Variants in GATAD2A observed in about 807,000 individuals in gnomAD.
GATAD2A encodes GATA zinc finger domain containing 2A, also known as transcriptional repressor p66-alpha.
Under a neutral mutation model 68.5 loss-of-function variants are expected in GATAD2A, and 12 were observed. The ratio of observed to expected loss-of-function variants is 0.18; its 90% CI spans 0.11 to 0.28. GATAD2A has a LOEUF of 0.28. Among genes scored for constraint, GATAD2A ranks in the 10% least tolerant of loss-of-function variants. GATAD2A has a pLI of 1.00. For missense variants in GATAD2A, 755 were observed against 868.5 expected, an observed-to-expected ratio of 0.87 and a Z score of 1.64; for synonymous variants, 410 against 375.3, an observed-to-expected ratio of 1.09 and a Z score of -1.07.
intron 1 of GATAD2A, among the ~76,000 whole-genome samples, chr19:19,454,935 C>T (rs550372318): frequency 6.6e-6 from 1 of 152,300 alleles, no homozygotes; most frequent in South Asian, 2.1e-4. Context: ...AACTATGGCC[C>T]ACAAGGTGGT....
intron 1 of GATAD2A, among the ~76,000 whole-genome samples, chr19:19,423,161 C>T (rs983702086): frequency 1.3e-5 from 2 of 152,172 alleles, no homozygotes; most frequent in Non-Finnish European, 1.5e-5. Context: ...TGCGCACCAC[C>T]ACTCCCAGCT....
rs564275980 is a variant in GATAD2A at position 19,433,409 on chromosome 19, C to T, written c.-7+27390C>T. Among the ~76,000 whole-genome samples, 4 of 152,170 alleles carry T rather than the reference C, an allele frequency of 2.6e-5. No homozygotes were observed. The South Asian group carries it at 6.2e-4, about 24-fold the overall frequency. On this transcript the variant is annotated intron_variant, in intron 1 of 11. Coordinates refer to ENST00000683918, the MANE Select transcript of GATAD2A (RefSeq NM_001384528.1). ...TGTGCCTGTTTTTCCATGTTGTTTTCGTTATTCTAGGTCCGTTGCACTTCC... is the reference window on the plus strand; with the variant it reads ...TGTGCCTGTTTTTCCATGTTGTTTTTGTTATTCTAGGTCCGTTGCACTTCC...
At chr19:19,487,690 T>A (rs989118699) in intron 2 of GATAD2A, among the ~76,000 whole-genome samples, 2 of 152,128 alleles carry the variant, frequency 1.3e-5, no homozygotes, top group Non-Finnish European at 1.5e-5. Flanking sequence ...TGAAGAGGGA[T>A]GTTCTGCAGG....
At chr19:19,502,653 G>T (rs868211883) in intron 11 of GATAD2A, 127 bp downstream of exon 11, 3 of 711,508 alleles carry the variant, frequency 4.2e-6, no homozygotes, top group Non-Finnish European at 7.0e-6. Context: ...CAGCCTCCTC[G>T]GACTCTGGCT....
chr19:19,463,898 TC>T (rs2057667506), intron 1 of GATAD2A, among the ~76,000 whole-genome samples: 1 of 152,330 alleles, frequency 6.6e-6, no homozygotes, highest in South Asian at 2.1e-4. Context: ...TCTCTTTCTT[TC>T]CTTTCAGTTT....
intron 1 of GATAD2A, among the ~76,000 whole-genome samples, chr19:19,419,331 T>C (rs564457094): frequency 2.0e-5 from 3 of 152,254 alleles, no homozygotes; most frequent in Admixed American, 6.5e-5. Flanking sequence ...CTGCATCTCG[T>C]ACACTGGCAG....
intron 1 of GATAD2A, among the ~76,000 whole-genome samples, chr19:19,460,830 A>T (rs1256645462): frequency 2.0e-5 from 3 of 152,142 alleles, no homozygotes; most frequent in Non-Finnish European, 4.4e-5. Flanking sequence ...CTTTAGAGCA[A>T]GCCAGATTCC....
At chr19:19,480,542 G>A (rs1228176937) in intron 2 of GATAD2A, among the ~76,000 whole-genome samples, 2 of 152,246 alleles carry the variant, frequency 1.3e-5, no homozygotes, top group African/African-American at 4.8e-5. Context: ...TTCCACTGCA[G>A]TATGCAGCAG....
At chr19:19,414,836 CCTTTT>C (rs1329514331) in intron 1 of GATAD2A, among the ~76,000 whole-genome samples, 2 of 127,400 alleles carry the variant, frequency 1.6e-5, no homozygotes, top group Admixed American at 7.5e-5. Context: ...CACCCTGCCC[CCTTTT>C]TTTTTTTTTT....
At position 19,481,047 on chromosome 19, in the gene GATAD2A, G is replaced by A. The variant is rs1422004289; in HGVS notation, c.270-11259G>A. Among the ~76,000 whole-genome samples the A allele has an allele frequency of 4.6e-5, 7 of 152,196 alleles. No individual in the cohort carries two copies. The South Asian group carries it at 1.4e-3, about 31-fold the overall frequency. On this transcript the variant is annotated intron_variant, in intron 2 of 11. Transcript: ENST00000683918. Reference sequence around the variant, plus strand: ...GGCGAGGAAGCTGGCATCTCTCCCAGGAGATGCCTTCAGTTCATTTGCTGT... The same window carrying A: ...GGCGAGGAAGCTGGCATCTCTCCCAAGAGATGCCTTCAGTTCATTTGCTGT...
In GATAD2A at chr19:19,496,219, G is replaced by GGTGA; in HGVS notation, c.924+2_924+5dup. ...CCAGCCTGCTCGTCAACATCCCACA[G>GGTGA]GTGAGGGCTGCGCCACACTGTGCCA... On this transcript the variant is annotated frameshift_variant and splice_region_variant. Coordinates refer to ENST00000683918, the MANE Select transcript of GATAD2A (RefSeq NM_001384528.1). LOFTEE classifies it high-confidence loss of function. The GGTGA allele has an allele frequency of 6.2e-7, 1 of 1,613,174 alleles. No individual in the cohort carries two copies. The highest frequency in any genetic ancestry group is 8.5e-7 in the Non-Finnish European group (1 of 1,179,692).
rs372219748 is a variant in GATAD2A at position 19,397,854 on chromosome 19, T to C, written c.-7+11716T>C. 3.9e-5 allele frequency among the ~76,000 whole-genome samples: 6 copies of C among 152,292 alleles called. No individual in the cohort carries two copies. In the East Asian group the frequency reaches 7.7e-4, roughly 20 times the overall value. On this transcript the variant is annotated intron_variant, in intron 1 of 11. Transcript: ENST00000360315. ...CCCCTTGCCTCAGCACCCAGATAAC[T>C]AGGACTACAGGCGCATGCTATCATG...
Position 19,507,665 on chromosome 19 carries a change from T to C in GATAD2A, c.*2191T>C, listed in dbSNP as rs1045145183. 2 of 152,236 alleles carry C rather than the reference T, an allele frequency of 1.3e-5. No homozygotes were observed. Among genetic ancestry groups the C allele is most frequent in the South Asian group, 2.1e-4 (1 of 4,828 alleles). 9.4% of individuals were successfully genotyped at this position (152,236 alleles called of 1,614,324 possible). A position where few individuals can be genotyped will look rare whatever the true frequency, so the allele number is the denominator to read the frequency against. On this transcript the variant is annotated 3_prime_UTR_variant, in exon 12 of 12. Transcript: ENST00000683918. ...GTCAACCCATCCTTGTGAGTTCATA[T>C]GGACTGCTGCCCCTCGAAAGGGAGA...
intron 1 of GATAD2A, among the ~76,000 whole-genome samples, chr19:19,463,508 G>A (rs750903879): frequency 3.2e-4 from 49 of 152,242 alleles, no homozygotes; most frequent in Non-Finnish European, 5.0e-4. Context: ...CTGAGCAGGA[G>A]CGGGGGCGGG....
At chr19:19,422,051 A>G (rs552463701) in intron 1 of GATAD2A, among the ~76,000 whole-genome samples, 1 of 152,188 alleles carries the variant, frequency 6.6e-6, no homozygotes, top group Non-Finnish European at 1.5e-5. Flanking sequence ...TCGAACTCCT[A>G]ACTTCAGGTG....
At chr19:19,430,702 A>G (rs969855856) in intron 1 of GATAD2A, among the ~76,000 whole-genome samples, 4 of 152,104 alleles carry the variant, frequency 2.6e-5, no homozygotes, top group African/African-American at 7.2e-5. Flanking sequence ...CTGCAGAGAC[A>G]CCATCACTGT....
At chr19:19,445,040 A>T (rs2055552369) in intron 1 of GATAD2A, among the ~76,000 whole-genome samples, 1 of 151,862 alleles carries the variant, frequency 6.6e-6, no homozygotes, top group African/African-American at 2.4e-5. Context: ...CTCCTTGGTG[A>T]ATTCTCCCTT....
chr19:19,438,751 G>A (rs1470847215), intron 1 of GATAD2A, among the ~76,000 whole-genome samples: 1 of 152,232 alleles, frequency 6.6e-6, no homozygotes, highest in Non-Finnish European at 1.5e-5. Flanking sequence ...CCTTTGGCCT[G>A]TGCTTGAAGG....
In GATAD2A at chr19:19,431,062, A is replaced by G. The variant is rs375856586; in HGVS notation, c.-7+25043A>G. Among the ~76,000 whole-genome samples the G allele has an allele frequency of 3.0e-4, 45 of 150,166 alleles. 1 individual carries two copies. The highest frequency in any genetic ancestry group is 1.1e-3 in the African/African-American group (43 of 40,592). On this transcript the variant is annotated intron_variant, in intron 1 of 11. Transcript: ENST00000683918. Reference sequence around the variant, plus strand: ...CAAAGCCAAACCATAATGATTTATCAAGGGAGCGGAAGAGTCTCTTATGAG... The same window carrying G: ...CAAAGCCAAACCATAATGATTTATCGAGGGAGCGGAAGAGTCTCTTATGAG...
Sources: allele counts gnomAD v4.1 joint callset (sites outside exome capture counted in the v4.1 genomes callset), GRCh38; gene constraint gnomAD v4.1.1; transcripts MANE v1.5; gene names NCBI Gene and HGNC (gene_info 2026-07-23, HGNC 2026-07-21).